JMJD1C: variants seen among roughly 807,000 people sequenced by gnomAD.
JMJD1C encodes jumonji domain-containing protein 1C.
In JMJD1C, 31 loss-of-function variants were observed where a neutral mutation model predicts 245.3. That is an observed-to-expected ratio of 0.13 (90% CI 0.09 to 0.17). JMJD1C has a LOEUF of 0.17. Ranked by LOEUF, JMJD1C falls within the 10% of genes least tolerant of loss-of-function variation. JMJD1C has a pLI of 1.00. For synonymous variants in JMJD1C, 1,057 were observed against 1,017.4 expected (o/e 1.04, Z -0.74); for missense variants, 2,691 against 3,000.2 (o/e 0.90, Z 2.41).
intron 1 of JMJD1C, among the ~76,000 whole-genome samples, chr10:63,449,030 T>C (rs1392592818): frequency 2.6e-5 from 4 of 151,970 alleles, no homozygotes; most frequent in Non-Finnish European, 4.4e-5. Context: ...GACGGGAGAA[T>C]CACTTGAACC....
intron 2 of JMJD1C, among the ~76,000 whole-genome samples, chr10:63,283,350 C>T (rs1237755910): frequency 6.7e-6 from 1 of 148,460 alleles, no homozygotes; most frequent in Non-Finnish European, 1.5e-5. Context: ...AGCAACCTGA[C>T]CACCTGCTTT....
In JMJD1C at chr10:63,361,719, TAAAAAAAAAA is replaced by T. The variant is rs55879769; in HGVS notation, c.333+18589_333+18598del. 7.6e-4 allele frequency among the ~76,000 whole-genome samples: 73 copies of T among 95,526 alleles called. 1 individual carries two copies. The highest frequency in any genetic ancestry group is 2.0e-3 in the Admixed American group (16 of 7,810). The allele number at this position is 95,526 out of a possible 152,430, so 62.7% of individuals were successfully genotyped here. ...GGCAACAGAACAATACTGTCTCAAC[TAAAAAAAAAA>T]AAAAAAAAAAAAAAAAAAGAAAAAG... is the stretch of plus-strand genomic sequence containing the variant. On this transcript the variant is annotated intron_variant, in intron 2 of 25. Coordinates refer to ENST00000399262, the MANE Select transcript of JMJD1C (RefSeq NM_032776.3).
intron 1 of JMJD1C, among the ~76,000 whole-genome samples, chr10:63,500,734 T>TGGATGGAA (rs1564973215): frequency 1.2e-4 from 16 of 131,450 alleles, no homozygotes; most frequent in Admixed American, 1.8e-4. Context: ...GATGGATGGA[T>TGGATGGAA]GGATGGATGG....
At chr10:63,414,257 A>T (rs1393742219) in intron 1 of JMJD1C, among the ~76,000 whole-genome samples, 1 of 152,166 alleles carries the variant, frequency 6.6e-6, no homozygotes, top group Non-Finnish European at 1.5e-5. Flanking sequence ...AAGTGCTGGG[A>T]TCACAGGCAT....
At chr10:63,187,419 A>G (rs1844256992) in intron 18 of JMJD1C, among the ~76,000 whole-genome samples, 1 of 152,200 alleles carries the variant, frequency 6.6e-6, no homozygotes, top group South Asian at 2.1e-4. Flanking sequence ...CAAAGCAGAA[A>G]TCTTAGGCTA....
chr10:63,217,125 A>G (rs945186548), intron 5 of JMJD1C, 82 bp downstream of exon 5: 12 of 1,241,112 alleles, frequency 9.7e-6, no homozygotes, highest in Non-Finnish European at 1.4e-5. Context: ...ATTATTTAGT[A>G]TCAAATTGTT....
At chr10:63,416,928 T>C (rs1240548551) in intron 1 of JMJD1C, among the ~76,000 whole-genome samples, 1 of 152,232 alleles carries the variant, frequency 6.6e-6, no homozygotes, top group Non-Finnish European at 1.5e-5. Context: ...TTAAGGATGA[T>C]TTTAACAATA....
chr10:63,466,156 G>GCGGCGA, upstream of JMJD1C: 1 of 191,328 alleles, frequency 5.2e-6, no homozygotes. Context: ...GGCGGCGGCG[G>GCGGCGA]CAGCGGGAGA....
At chr10:63,249,207 T>A (rs568354913) in intron 3 of JMJD1C, among the ~76,000 whole-genome samples, 24 of 152,252 alleles carry the variant, frequency 1.6e-4, no homozygotes, top group Non-Finnish European at 1.5e-5. Flanking sequence ...TCCCAGCTAC[T>A]CAGAAGGCTG....
chr10:63,323,538 G>A (rs1941161714), intron 2 of JMJD1C, among the ~76,000 whole-genome samples: 1 of 152,094 alleles, frequency 6.6e-6, no homozygotes, highest in Non-Finnish European at 1.5e-5. Context: ...AGGGGGGAAA[G>A]AAACAGCACT....
chr10:63,203,705 A>G (rs1255972505), intron 10 of JMJD1C: 1 of 983,830 alleles, frequency 1.0e-6, no homozygotes, highest in South Asian at 4.7e-5. Context: ...AGAGGAAGAC[A>G]TTCCAAAAGA....
chr10:63,212,094 A>G (rs1436474438), intron 8 of JMJD1C, among the ~76,000 whole-genome samples: 2 of 152,212 alleles, frequency 1.3e-5, no homozygotes, highest in Non-Finnish European at 2.9e-5. Flanking sequence ...ATATTCTATC[A>G]TTCTACTCAT....
At position 63,235,501 on chromosome 10, in the gene JMJD1C, A is replaced by AAAAG. The variant is rs980395048; in HGVS notation, c.448-15522_448-15519dup. ...AGCAAGAACAAAACTTGGTCTCAAAAAAAGAAAGAAAGAAAGAAAATCAGC... is the reference window on the plus strand; with the variant it reads ...AGCAAGAACAAAACTTGGTCTCAAAAAAAGAAAGAAAGAAAGAAAGAAAATCAGC... On this transcript the variant is annotated intron_variant, in intron 3 of 25. Transcript: ENST00000399262. Among the ~76,000 whole-genome samples, 8 of 152,320 alleles carry AAAAG rather than the reference A, an allele frequency of 5.3e-5. No homozygotes were observed. In the South Asian group the frequency reaches 1.2e-3, roughly 24 times the overall value.
At chr10:63,397,144 G>A (rs1286832923) in intron 1 of JMJD1C, among the ~76,000 whole-genome samples, 1 of 152,052 alleles carries the variant, frequency 6.6e-6, no homozygotes, top group Admixed American at 6.5e-5. Flanking sequence ...ATCCACTATA[G>A]TGCTTACATT....
chr10:63,217,184 A>G, intron 5 of JMJD1C, 23 bp downstream of exon 5: 1 of 1,590,830 alleles, frequency 6.3e-7, no homozygotes, highest in African/African-American at 1.4e-5. Flanking sequence ...AATCTCTATA[A>G]AAATATTAGT....
chr10:63,394,587 G>A (rs1415011401), intron 1 of JMJD1C, among the ~76,000 whole-genome samples: 4 of 152,206 alleles, frequency 2.6e-5, no homozygotes, highest in Non-Finnish European at 2.9e-5. Flanking sequence ...GCTCATGCCT[G>A]TAATCCCAGC....
At chr10:63,474,221 C>T (rs987300130) in intron 1 of JMJD1C, among the ~76,000 whole-genome samples, 3 of 152,120 alleles carry the variant, frequency 2.0e-5, no homozygotes, top group Admixed American at 1.3e-4. Flanking sequence ...GGAAATCACC[C>T]TCAGTGAACA....
chr10:63,427,951 G>C, intron 1 of JMJD1C: 1 of 705,548 alleles, frequency 1.4e-6, no homozygotes, highest in Admixed American at 2.0e-5. Flanking sequence ...CAGTTTGTGT[G>C]GCCAGCTCAT....
In JMJD1C at chr10:63,217,295, T is replaced by C; in HGVS notation, c.590A>G (p.Tyr197Cys). 1 of 1,609,140 alleles carries C rather than the reference T, an allele frequency of 6.2e-7. No individual in the cohort carries two copies. Residue 197 changes from tyrosine to cysteine, a missense_variant, in exon 5 of 26, where the codon TAT (tyrosine) becomes TGT (cysteine). Physicochemically the swap from Tyr to Cys is radical, Grantham distance 194. This residue lies in a region of JMJD1C where 172 missense variants were observed against 240.8 expected (regional missense o/e 0.71). Coordinates refer to ENST00000399262, the MANE Select transcript of JMJD1C (RefSeq NM_032776.3). ...CCACTGGGTGGCAGAGTCTTGTCTA[T>C]ATACTCTCACTCTGTATCCATTTAA... is the stretch of plus-strand genomic sequence containing the variant. ...YSLNGYRVRV[Y>C]RQDSATQWFT...
Sources: gnomAD v4.1 joint callset for allele counts (sites outside exome capture counted in the v4.1 genomes callset) on GRCh38, gnomAD v4.1.1 for gene constraint, gnomAD v4.1.1 regional missense constraint, MANE v1.5 for transcripts, NCBI Gene and HGNC (gene_info 2026-07-23, HGNC 2026-07-21) for gene names.